Variants in NALCN observed in about 807,000 individuals in gnomAD.
The protein encoded by NALCN is sodium leak channel NALCN.
NALCN carries 111 observed loss-of-function variants against 225.3 expected under a neutral mutation model. The observed-to-expected ratio is 0.49, with a 90% confidence interval of 0.42 to 0.58. The LOEUF is 0.58. NALCN is among the 20% of genes least tolerant of loss of function. NALCN has a pLI of 0.00. For missense variants in NALCN, 1,378 were observed against 2,202.4 expected (o/e 0.63, Z 7.49); for synonymous variants, 764 against 769.0 (o/e 0.99, Z 0.11).
chr13:101,166,806 T>C (rs543479661), intron 15 of NALCN, among the ~76,000 whole-genome samples: 3 of 152,348 alleles, frequency 2.0e-5, no homozygotes, highest in South Asian at 2.1e-4. Context: ...TCCAATGTCA[T>C]GAAGCTTTTG....
In NALCN at chr13:101,091,058, A is replaced by G. The variant is rs557839033; in HGVS notation, c.3270-1092T>C. Among the ~76,000 whole-genome samples, 427 of 152,234 alleles carry G rather than the reference A, an allele frequency of 2.8e-3. 2 individuals are homozygous for G. Among genetic ancestry groups the G allele is most frequent in the African/African-American group, 9.4e-3 (389 of 41,552 alleles). Reference sequence around the variant, plus strand: ...CTAGATTGCATCTTCTTTAATTGTTATGGTTCTTAGCTAACATTTTTGTTG... The same window carrying G: ...CTAGATTGCATCTTCTTTAATTGTTGTGGTTCTTAGCTAACATTTTTGTTG... On this transcript the variant is annotated intron_variant, in intron 28 of 43. Coordinates refer to ENST00000251127, the MANE Select transcript of NALCN (RefSeq NM_052867.4).
intron 7 of NALCN, among the ~76,000 whole-genome samples, chr13:101,330,087 G>A (rs985310190): frequency 6.6e-6 from 1 of 150,464 alleles, no homozygotes; most frequent in Admixed American, 6.7e-5. Flanking sequence ...GTTATTAGCA[G>A]CATATATATA....
At chr13:101,255,781 C>G (rs1325947803) in intron 11 of NALCN, among the ~76,000 whole-genome samples, 1 of 152,194 alleles carries the variant, frequency 6.6e-6, no homozygotes, top group African/African-American at 2.4e-5. Flanking sequence ...AACTGATTCT[C>G]TCTCAAATAC....
At position 101,106,541 on chromosome 13, in the gene NALCN, T is replaced by C. The variant is rs183501199; in HGVS notation, c.2579+946A>G. 9.2e-5 allele frequency among the ~76,000 whole-genome samples: 14 copies of C among 152,298 alleles called. No homozygotes were observed. The East Asian group carries it at 2.3e-3, about 25-fold the overall frequency. Reference sequence around the variant, plus strand: ...CTGATAGGGTTTGGCTCTGCGTCCCTACCCAAATCTCATCTTGAATGGTAG... The same window carrying C: ...CTGATAGGGTTTGGCTCTGCGTCCCCACCCAAATCTCATCTTGAATGGTAG... On this transcript the variant is annotated intron_variant, in intron 22 of 43. Coordinates refer to ENST00000251127, the MANE Select transcript of NALCN (RefSeq NM_052867.4).
At chr13:101,226,490 AT>A (rs1361991131) in intron 13 of NALCN, among the ~76,000 whole-genome samples, 2 of 152,144 alleles carry the variant, frequency 1.3e-5, no homozygotes, top group African/African-American at 2.4e-5. Flanking sequence ...TACAATAACC[AT>A]CCCCATGTTC....
At chr13:101,135,866 T>C (rs961416686) in intron 17 of NALCN, among the ~76,000 whole-genome samples, 3 of 152,154 alleles carry the variant, frequency 2.0e-5, no homozygotes, top group African/African-American at 7.2e-5. Flanking sequence ...CCAAGATAGA[T>C]TTAGCAGCGG....
At chr13:101,306,720 ACT>A (rs2044164332) in intron 7 of NALCN, among the ~76,000 whole-genome samples, 1 of 152,114 alleles carries the variant, frequency 6.6e-6, no homozygotes, top group African/African-American at 2.4e-5. Flanking sequence ...TTTAATCCTC[ACT>A]GACACCTTAG....
chr13:101,262,053 T>C (rs1260961751), intron 10 of NALCN, among the ~76,000 whole-genome samples: 2 of 152,232 alleles, frequency 1.3e-5, no homozygotes, highest in African/African-American at 4.8e-5. Context: ...GGTTTTACCA[T>C]GAAGAGATGT....
chr13:101,313,629 T>C (rs1419918917), intron 7 of NALCN, among the ~76,000 whole-genome samples: 1 of 152,138 alleles, frequency 6.6e-6, no homozygotes, highest in Non-Finnish European at 1.5e-5. Context: ...TGAGATACCA[T>C]CTCACACCAA....
intron 3 of NALCN, among the ~76,000 whole-genome samples, chr13:101,380,135 C>G (rs2046808943): frequency 6.6e-6 from 1 of 151,984 alleles, no homozygotes; most frequent in Non-Finnish European, 1.5e-5. Context: ...AACATCAACA[C>G]TTAATCAGAC....
Position 101,270,534 on chromosome 13 carries a change from A to T in NALCN, c.1135-11960T>A, listed in dbSNP as rs1333764. Among the ~76,000 whole-genome samples, 1,366 of 152,338 alleles carry T rather than the reference A, an allele frequency of 9.0e-3. 28 individuals carry two copies. The highest frequency in any genetic ancestry group is 0.031 in the African/African-American group (1,303 of 41,572). On this transcript the variant is annotated intron_variant, in intron 10 of 43. Transcript: ENST00000251127. Reference sequence around the variant, plus strand: ...TGCAATGCAGGACCTCACTTGTGATATTTAATAAATGCATACATAAATAAA... The same window carrying T: ...TGCAATGCAGGACCTCACTTGTGATTTTTAATAAATGCATACATAAATAAA...
At chr13:101,373,919 A>C (rs993523755) in intron 6 of NALCN, among the ~76,000 whole-genome samples, 7 of 152,152 alleles carry the variant, frequency 4.6e-5, no homozygotes, top group Middle Eastern at 3.2e-3. Context: ...AGACATATAT[A>C]ATAAATATGT....
At chr13:101,092,851 C>T (rs1359409554) in intron 28 of NALCN, among the ~76,000 whole-genome samples, 4 of 152,206 alleles carry the variant, frequency 2.6e-5, no homozygotes, top group South Asian at 2.1e-4. Flanking sequence ...AGATGAGTTT[C>T]GGGTGAGCCA....
At chr13:101,137,070 C>A (rs567826089) in intron 17 of NALCN, among the ~76,000 whole-genome samples, 10 of 152,152 alleles carry the variant, frequency 6.6e-5, no homozygotes, top group African/African-American at 2.4e-4. Flanking sequence ...TGAAATCTTA[C>A]GCATCTTTTT....
At chr13:101,351,370 A>T (rs553331874) in intron 6 of NALCN, among the ~76,000 whole-genome samples, 39 of 152,256 alleles carry the variant, frequency 2.6e-4, no homozygotes, top group South Asian at 1.7e-3. Context: ...TCCTCCTAGC[A>T]TATGTTTGCT....
At chr13:101,289,545 T>TATATATATATATAG (rs2043470832) in intron 9 of NALCN, among the ~76,000 whole-genome samples, 2 of 131,644 alleles carry the variant, frequency 1.5e-5, no homozygotes, top group South Asian at 5.7e-4. Flanking sequence ...TATATATATA[T>TATATATATATATAG]ATATACACAT....
chr13:101,235,673 G>A (rs2041528265), intron 12 of NALCN, among the ~76,000 whole-genome samples: 1 of 152,182 alleles, frequency 6.6e-6, no homozygotes, highest in Non-Finnish European at 1.5e-5. Context: ...CAAATGAGGA[G>A]AGATTTACAT....
At chr13:101,376,171 G>A (rs1724844149) in intron 6 of NALCN, among the ~76,000 whole-genome samples, 1 of 152,042 alleles carries the variant, frequency 6.6e-6, no homozygotes, top group Admixed American at 6.6e-5. Flanking sequence ...TCCCGAACAT[G>A]TAACTCATTC....
At chr13:101,271,799 ATGTG>A (rs879667133) in intron 10 of NALCN, among the ~76,000 whole-genome samples, 110 of 150,758 alleles carry the variant, frequency 7.3e-4, no homozygotes, top group African/African-American at 2.4e-3. Flanking sequence ...GTGTGCATGC[ATGTG>A]TGTGTGTGTC....
Sources: gnomAD v4.1 joint callset for allele counts (sites outside exome capture counted in the v4.1 genomes callset) on GRCh38, gnomAD v4.1.1 for gene constraint, MANE v1.5 for transcripts, NCBI Gene and HGNC (gene_info 2026-07-23, HGNC 2026-07-21) for gene names.